Variants in BANF2 observed in about 807,000 individuals in gnomAD.
The protein encoded by BANF2 is barrier-to-autointegration factor-like protein.
BANF2 carries 4 observed loss-of-function variants against 8.0 expected under a neutral mutation model. That is an observed-to-expected ratio of 0.50 (90% confidence interval 0.25 to 1.14). The LOEUF (loss-of-function observed/expected upper bound fraction) is 1.14, where lower values mean the gene tolerates loss of function less well. Ranked by LOEUF, BANF2 falls within the 50% of genes most tolerant of loss-of-function variation. The pLI is 0.16. For synonymous variants in BANF2, 50 were observed against 40.6 expected, an observed-to-expected ratio of 1.23 and a Z score of -0.88; for missense variants, 96 against 107.5, an observed-to-expected ratio of 0.89 and a Z score of 0.47.
intron 2 of BANF2, among the ~76,000 whole-genome samples, chr20:17,723,080 G>C (rs1182052881): frequency 6.6e-6 from 1 of 152,146 alleles, no homozygotes; most frequent in Non-Finnish European, 1.5e-5. Flanking sequence ...AGGACATTGG[G>C]TCATTCCTGT....
intron 3 of BANF2, among the ~76,000 whole-genome samples, chr20:17,727,991 T>C (rs939964822): frequency 3.3e-5 from 5 of 152,308 alleles, no homozygotes; most frequent in African/African-American, 7.2e-5. Context: ...CCTCCCAAAG[T>C]GCTGGGATTA....
chr20:17,693,712 G>T (rs554945297), intron 1 of BANF2: 156 of 1,551,442 alleles, frequency 1.0e-4, no homozygotes, highest in Non-Finnish European at 1.4e-4. Context: ...CAAAGGTAAG[G>T]CAGATTGGTC....
At chr20:17,707,387 A>AAAAAAAAAAAAG (rs1240416068) in intron 1 of BANF2, among the ~76,000 whole-genome samples, 2 of 151,928 alleles carry the variant, frequency 1.3e-5, no homozygotes, top group African/African-American at 2.4e-5. Context: ...TGTGTCAAAA[A>AAAAAAAAAAAAG]AAAGAAAATC....
intron 1 of BANF2, among the ~76,000 whole-genome samples, chr20:17,716,855 A>AG (rs2037661349): frequency 1.3e-5 from 2 of 151,160 alleles, no homozygotes; most frequent in Admixed American, 6.6e-5. Flanking sequence ...AAAAAAAAAA[A>AG]AAAAAAGAAA....
rs960556984 is a variant in BANF2, at chr20:17,707,587, CT to C, written c.-167+7541del. 6.2e-4 allele frequency among the ~76,000 whole-genome samples: 94 copies of C among 150,944 alleles called. No individual in the cohort carries two copies. In the East Asian group the frequency reaches 0.014, roughly 23 times the overall value. ...TGACCTGATCCTATATATATATATACTTTTTTTTTGAGATGGAGTTTTGCTC... is the reference window on the plus strand; with the variant it reads ...TGACCTGATCCTATATATATATATACTTTTTTTTGAGATGGAGTTTTGCTC... On this transcript the variant is annotated intron_variant, in intron 1 of 3. Coordinates refer to ENST00000246090, the MANE Select transcript of BANF2 (RefSeq NM_178477.5).
In BANF2 at chr20:17,708,046, C is replaced by CAAAAAAAAAAAA. The variant is rs1491179991; in HGVS notation, c.-167+8001_-167+8012dup. On this transcript the variant is annotated intron_variant, in intron 1 of 3. Transcript: ENST00000246090. ...GTGAAACCCTGTCTCTACTAAAAAT[C>CAAAAAAAAAAAA]AAAAAAAAAAAAAAAAAAAAACCAA... 4.5e-5 allele frequency among the ~76,000 whole-genome samples: 5 copies of CAAAAAAAAAAAA among 111,774 alleles called. 1 individual carries two copies. The highest frequency in any genetic ancestry group is 7.0e-5 in the African/African-American group (2 of 28,770). 73.3% of individuals were successfully genotyped at this position (111,774 alleles called of 152,430 possible).
Position 17,735,558 on chromosome 20 carries a change from C to T in BANF2, c.127-107C>T, listed in dbSNP as rs1341294030. ...GCTCCCTTGAATCGGCCCTGCTCCC[C>T]CTCCTTTGATTGTCACGTGAGCCCT... On this transcript the variant is annotated intron_variant, in intron 3 of 3. Coordinates refer to ENST00000246090, the MANE Select transcript of BANF2 (RefSeq NM_178477.5). 3.0e-6 allele frequency: 4 copies of T among 1,332,740 alleles called. No homozygotes were observed. The East Asian group carries it at 9.3e-5, about 31-fold the overall frequency. The allele number at this position is 1,332,740 out of a possible 1,614,324, so 82.6% of individuals were successfully genotyped here.
intron 1 of BANF2, among the ~76,000 whole-genome samples, chr20:17,694,408 C>T (rs954847599): frequency 2.0e-5 from 3 of 151,834 alleles, no homozygotes; most frequent in Non-Finnish European, 2.9e-5. Context: ...GTGCAAAGGC[C>T]CTGAGGCAGG....
chr20:17,699,513 G>T (rs1436759359), upstream of BANF2, among the ~76,000 whole-genome samples: 4 of 152,128 alleles, frequency 2.6e-5, no homozygotes, highest in East Asian at 7.7e-4. Context: ...TGGGCAGTAG[G>T]GGGAAAGTCA....
rs533767545 is a variant in BANF2, at chr20:17,711,498, T to C, written c.-166-11218T>C. On this transcript the variant is annotated intron_variant, in intron 1 of 3. Coordinates refer to ENST00000246090, the MANE Select transcript of BANF2 (RefSeq NM_178477.5). ...GCAGAGCCTGAGAGCCGGGTTCCGGTGCCCCTGACCTGGTGAAGGAAGCAG... is the reference window on the plus strand; with the variant it reads ...GCAGAGCCTGAGAGCCGGGTTCCGGCGCCCCTGACCTGGTGAAGGAAGCAG... Among the ~76,000 whole-genome samples the C allele has an allele frequency of 2.8e-3, 424 of 152,298 alleles. 4 individuals carry two copies. Among genetic ancestry groups the C allele is most frequent in the African/African-American group, 9.8e-3 (407 of 41,568 alleles).
At chr20:17,701,696 G>C (rs2037411703) in intron 1 of BANF2, among the ~76,000 whole-genome samples, 1 of 152,170 alleles carries the variant, frequency 6.6e-6, no homozygotes, top group African/African-American at 2.4e-5. Flanking sequence ...ACGCCTTAAG[G>C]ACGGCTGCAA....
chr20:17,722,925 G>C (rs1476396085), intron 2 of BANF2, 47 bp downstream of exon 2: 4 of 947,894 alleles, frequency 4.2e-6, no homozygotes, highest in Middle Eastern at 5.4e-4. Context: ...CTGTGAAAGG[G>C]AGGCGTTGGA....
At chr20:17,694,963 C>A (rs2037333802), upstream of BANF2, among the ~76,000 whole-genome samples, 1 of 151,738 alleles carries the variant, frequency 6.6e-6, no homozygotes, top group Non-Finnish European at 1.5e-5. Context: ...TTCAATCATC[C>A]CAACAAACTG....
chr20:17,698,535 C>T (rs1255922734), upstream of BANF2, among the ~76,000 whole-genome samples: 1 of 152,228 alleles, frequency 6.6e-6, no homozygotes, highest in African/African-American at 2.4e-5. Flanking sequence ...GGTTATTCCA[C>T]CTGAGCAGGG....
At chr20:17,729,026 C>T (rs1467153516) in intron 3 of BANF2, among the ~76,000 whole-genome samples, 1 of 152,160 alleles carries the variant, frequency 6.6e-6, no homozygotes, top group Non-Finnish European at 1.5e-5. Flanking sequence ...TTTCCTTCCC[C>T]TTTTTACTGT....
upstream of BANF2, among the ~76,000 whole-genome samples, chr20:17,696,427 T>C (rs2037346573): frequency 6.6e-6 from 1 of 152,244 alleles, no homozygotes; most frequent in African/African-American, 2.4e-5. Context: ...GGTTATATTA[T>C]ATTACATTAT....
chr20:17,708,503 A>T (rs1409048712), intron 1 of BANF2, among the ~76,000 whole-genome samples: 1 of 152,126 alleles, frequency 6.6e-6, no homozygotes, highest in African/African-American at 2.4e-5. Flanking sequence ...GTCACATGGG[A>T]CCCACATTCC....
At chr20:17,716,858 A>G (rs547487881) in intron 1 of BANF2, among the ~76,000 whole-genome samples, 2,491 of 149,646 alleles carry the variant, frequency 0.017, 44 homozygotes, top group Non-Finnish European at 0.03. Context: ...AAAAAAAAAA[A>G]AAAGAAAGAA....
At chr20:17,723,740 A>C (rs1480171650) in intron 2 of BANF2, among the ~76,000 whole-genome samples, 1 of 152,224 alleles carries the variant, frequency 6.6e-6, no homozygotes, top group Non-Finnish European at 1.5e-5. Flanking sequence ...CATGCCTGTA[A>C]TCCCAGCACT....
Sources: gnomAD v4.1 joint callset for allele counts (sites outside exome capture counted in the v4.1 genomes callset) on GRCh38, gnomAD v4.1.1 for gene constraint, MANE v1.5 for transcripts, NCBI Gene and HGNC (gene_info 2026-07-23, HGNC 2026-07-21) for gene names.